FBN3: variants seen among roughly 807,000 people sequenced by gnomAD.
FBN3 encodes the protein fibrillin 3.
FBN3 carries 234 observed loss-of-function variants against 330.1 expected under a neutral mutation model. That is an observed-to-expected ratio of 0.71 (90% CI 0.64 to 0.79). The LOEUF is 0.79. Ranked by LOEUF, FBN3 falls within the 30% of genes least tolerant of loss-of-function variation. The pLI, the probability that FBN3 is intolerant of heterozygous loss-of-function variation, is 0.00. For synonymous variants in FBN3, 1,458 were observed against 1,517.3 expected, an observed-to-expected ratio of 0.96 and a Z score of 0.91; for missense variants, 3,606 against 3,886.9, an observed-to-expected ratio of 0.93 and a Z score of 1.92.
chr19:8,135,952 C>G lies in FBN3; in HGVS notation c.1591+9G>C. On this transcript the variant is annotated intron_variant, in intron 13 of 63. Coordinates refer to ENST00000600128, the MANE Select transcript of FBN3 (RefSeq NM_032447.5). ...GAAGCCCCTGCCCACCCGCCCACCC[C>G]CAACTCACCCACACAGTTCTTGCCG... The G allele has an allele frequency of 1.5e-6, 1 of 684,618 alleles. No homozygotes were observed. 42.4% of individuals were successfully genotyped at this position (684,618 alleles called of 1,614,324 possible). A position where few individuals can be genotyped will look rare whatever the true frequency, so the allele number is the denominator to read the frequency against.
intron 37 of FBN3, 85 bp downstream of exon 37, chr19:8,108,085 C>T (rs901418230): frequency 2.2e-5 from 27 of 1,222,556 alleles, no homozygotes; most frequent in Admixed American, 2.1e-4. Flanking sequence ...CAAAACTACT[C>T]AACTCTACAC....
At chr19:8,132,729 T>C (rs2083177439) in intron 14 of FBN3, among the ~76,000 whole-genome samples, 1 of 152,180 alleles carries the variant, frequency 6.6e-6, no homozygotes, top group Non-Finnish European at 1.5e-5. Context: ...TGACCTCAAA[T>C]GATCCATCTG....
Position 8,126,328 on chromosome 19 carries a change from GC to G in FBN3, c.2573del (p.Gly858AlafsTer5). On this transcript the variant is annotated frameshift_variant, in exon 21 of 64. Coordinates refer to ENST00000600128, the MANE Select transcript of FBN3 (RefSeq NM_032447.5). LOFTEE classifies it high-confidence loss of function. ...AGGTGACACCCGTCATCCGGGCAAA[GC>G]CCCGGGCACAGGCAGGGTCTGCAAC... ...RCEIDPACAR[G>X]FARMTGVTCD... 1 of 1,590,560 alleles carries G rather than the reference GC, an allele frequency of 6.3e-7. No individual in the cohort carries two copies. Among genetic ancestry groups the G allele is most frequent in the Non-Finnish European group, 8.5e-7 (1 of 1,170,418 alleles).
chr19:8,117,452 GCA>G lies in FBN3; in HGVS notation c.3463+10_3463+11del. On this transcript the variant is annotated intron_variant, in intron 27 of 63. Transcript: ENST00000600128. ...TTGGTGCCCAGGGGCCAGCAGGTGG[GCA>G]CAGTCTCACCCACGCAGCCCTGGCG... The G allele has an allele frequency of 6.4e-7, 1 of 1,560,944 alleles. No individual in the cohort carries two copies. Among genetic ancestry groups the G allele is most frequent in the South Asian group, 1.2e-5 (1 of 84,640 alleles).
At chr19:8,101,619 C>T (rs1381692722) in intron 40 of FBN3, among the ~76,000 whole-genome samples, 1 of 152,128 alleles carries the variant, frequency 6.6e-6, no homozygotes, top group Admixed American at 6.6e-5. Flanking sequence ...GTATCTCTAA[C>T]CAGCTGTGCT....
chr19:8,070,617 T>C (rs188356811), intron 63 of FBN3, among the ~76,000 whole-genome samples: 1 of 152,246 alleles, frequency 6.6e-6, no homozygotes, highest in East Asian at 1.9e-4. Flanking sequence ...TAAAGAGAAG[T>C]CCACGTGCCA....
At position 8,072,546 on chromosome 19, in the gene FBN3, G is replaced by A. The variant is rs559937616; in HGVS notation, c.7938-348C>T. 3.3e-5 allele frequency among the ~76,000 whole-genome samples: 5 copies of A among 152,162 alleles called. No homozygotes were observed. The South Asian group carries it at 1.0e-3, about 32-fold the overall frequency. Reference sequence around the variant, plus strand: ...AACTCATGCAGGCACATGTGTGCTCGTAGGAATGTGTGAATCTCCCTGAGT... The same window carrying A: ...AACTCATGCAGGCACATGTGTGCTCATAGGAATGTGTGAATCTCCCTGAGT... On this transcript the variant is annotated intron_variant, in intron 62 of 63. Transcript: ENST00000600128.
At chr19:8,097,104 C>G in intron 42 of FBN3, 98 bp from the exon 43 acceptor site, 1 of 1,534,648 alleles carries the variant, frequency 6.5e-7, no homozygotes, top group South Asian at 1.2e-5. Context: ...CAGGTGGTTT[C>G]TCTGGAAGCA....
Position 8,096,719 on chromosome 19 carries a change from C to T in FBN3, c.5414-150G>A. 3 of 1,301,526 alleles carry T rather than the reference C, an allele frequency of 2.3e-6. No individual in the cohort carries two copies. The highest frequency in any genetic ancestry group is 2.3e-5 in the East Asian group (1 of 43,054). 80.6% of individuals were successfully genotyped at this position (1,301,526 alleles called of 1,614,324 possible). On this transcript the variant is annotated intron_variant, in intron 43 of 63. Transcript: ENST00000600128. This position sits in a 1 kb window ranked among gnomAD's most constrained non-coding sequence, Gnocchi z 4.6. Reference sequence around the variant, plus strand: ...GTCAGGCTGTCTGCATGGACCTGAGCTCTCACCTCTATCACATCCTATTAA... The same window carrying T: ...GTCAGGCTGTCTGCATGGACCTGAGTTCTCACCTCTATCACATCCTATTAA...
chr19:8,072,968 T>G, intron 62 of FBN3, 95 bp downstream of exon 62: 1 of 211,464 alleles, frequency 4.7e-6, no homozygotes, highest in Non-Finnish European at 8.2e-6. Context: ...CAAAGCCCCG[T>G]GTGTGTGTGT....
intron 39 of FBN3, 45 bp downstream of exon 39, chr19:8,103,516 TG>T (rs771826618): frequency 6.3e-7 from 1 of 1,595,404 alleles, no homozygotes; most frequent in South Asian, 1.1e-5. Context: ...CATGCCCAGG[TG>T]CTGCTTCTGT....
rs572048792 is a variant in FBN3, at chr19:8,131,486, C to G, written c.1990+68G>C. 2.6e-6 allele frequency: 4 copies of G among 1,546,036 alleles called. No individual in the cohort carries two copies. The Admixed American group carries it at 5.5e-5, about 21-fold the overall frequency. The stretch of plus-strand genomic sequence containing the variant: ...CTCCATGGCAGCCATGACCCCCCAC[C>G]AGAAGCGAGAACCGATGGAGGCATT... On this transcript the variant is annotated intron_variant, in intron 15 of 63. Transcript: ENST00000600128. The surrounding 1 kb of genome is among the most constrained non-coding windows in gnomAD (Gnocchi z 4.5).
At chr19:8,134,323 T>C (rs983102631) in intron 13 of FBN3, among the ~76,000 whole-genome samples, 5 of 152,228 alleles carry the variant, frequency 3.3e-5, no homozygotes, top group African/African-American at 4.8e-5. Flanking sequence ...AGAAGCATTA[T>C]GCCTAACAGC....
chr19:8,111,536 G>A (rs1599368172), intron 32 of FBN3, 112 bp downstream of exon 32: 16 of 1,212,090 alleles, frequency 1.3e-5, no homozygotes, highest in East Asian at 5.2e-5. Flanking sequence ...CCCACAGAGC[G>A]GCGATTGAGT....
intron 28 of FBN3, 125 bp from the exon 29 acceptor site, chr19:8,116,924 C>A: frequency 7.9e-7 from 1 of 1,265,510 alleles, no homozygotes; most frequent in South Asian, 1.5e-5. Flanking sequence ...CTCGAGTAGT[C>A]TGGGGGCGCT....
At position 8,102,876 on chromosome 19, in the gene FBN3, G is replaced by A. The variant is rs1018505583; in HGVS notation, c.4940-3C>T. 6.2e-7 allele frequency: 1 copy of A among 1,614,058 alleles called. No individual in the cohort carries two copies. The highest frequency in any genetic ancestry group is 1.3e-5 in the African/African-American group (1 of 75,054). ...GAAGCAGACACTCTTCCTCATATCT[G>A]TAGTTGGCACAAAGGAGAAGAATGT... On this transcript the variant is annotated splice_polypyrimidine_tract_variant and splice_region_variant and intron_variant, in intron 39 of 63. Transcript: ENST00000600128.
chr19:8,136,345 G>A, intron 11 of FBN3, 36 bp from the exon 12 acceptor site: 2 of 1,606,372 alleles, frequency 1.2e-6, no homozygotes. Context: ...AGCACGAGCA[G>A]GGCAGTGAGA....
At chr19:8,099,013 A>G (rs1568391643) in intron 41 of FBN3, among the ~76,000 whole-genome samples, 1 of 152,236 alleles carries the variant, frequency 6.6e-6, no homozygotes, top group Non-Finnish European at 1.5e-5. Flanking sequence ...CACAGCAGAT[A>G]GTAACCTGGC....
At chr19:8,135,935 T>TTGGGGGGGGGGGGCC in intron 13 of FBN3, 26 bp downstream of exon 13, 4 of 1,344,154 alleles carry the variant, frequency 3.0e-6, no homozygotes, top group Non-Finnish European at 4.0e-6. Flanking sequence ...CGGAAGCCCC[T>TTGGGGGGGGGGGGCC]GCCCACCCGC....
Sources: allele counts gnomAD v4.1 joint callset (sites outside exome capture counted in the v4.1 genomes callset), GRCh38; gene constraint gnomAD v4.1.1; non-coding constraint Gnocchi (gnomAD v3.1); transcripts MANE v1.5; gene names NCBI Gene and HGNC (gene_info 2026-07-23, HGNC 2026-07-21).